The following GPHN variants were observed in gnomAD, a reference collection of about 807,000 sequenced individuals.
GPHN encodes the protein gephyrin.
In GPHN, 17 loss-of-function variants were observed where a neutral mutation model predicts 95.5. The ratio of observed to expected loss-of-function variants is 0.18; its 90% CI spans 0.12 to 0.27. GPHN has a LOEUF of 0.27. Among genes scored for constraint, GPHN ranks in the 10% least tolerant of loss-of-function variants. GPHN has a pLI of 1.00. For synonymous variants in GPHN, 320 were observed against 322.5 expected (o/e 0.99, Z 0.08); for missense variants, 660 against 978.1 (o/e 0.67, Z 4.34).
At chr14:67,726,691 C>A in the GPHN span, among the ~76,000 whole-genome samples, 1 of 152,278 alleles carries the variant, frequency 6.6e-6, no homozygotes, top group South Asian at 2.1e-4. Context: ...ACCTGGGTCC[C>A]TAGTTATGCG....
chr14:67,183,172 G>A (rs571824943), downstream of GPHN, among the ~76,000 whole-genome samples: 24 of 152,210 alleles, frequency 1.6e-4, no homozygotes, highest in African/African-American at 4.1e-4. Context: ...TAGGGGTGTC[G>A]TGGAAATTAA....
intron 9 of GPHN, among the ~76,000 whole-genome samples, chr14:66,991,137 T>C (rs147718624): frequency 6.6e-6 from 1 of 152,240 alleles, no homozygotes; most frequent in African/African-American, 2.4e-5. Context: ...AAATGGGATG[T>C]ATTAGATTAT....
At chr14:66,622,940 G>A (rs763900142) in intron 1 of GPHN, among the ~76,000 whole-genome samples, 4 of 152,054 alleles carry the variant, frequency 2.6e-5, no homozygotes, top group Non-Finnish European at 5.9e-5. Context: ...TTCCAAACTC[G>A]CTTCCACATT....
intron 5 of GPHN, among the ~76,000 whole-genome samples, chr14:66,882,932 A>G (rs1001535089): frequency 4.0e-5 from 6 of 151,486 alleles, no homozygotes; most frequent in Non-Finnish European, 8.9e-5. Context: ...TGAGCAATCA[A>G]TTCAAATTGC....
the GPHN span, among the ~76,000 whole-genome samples, chr14:67,267,417 C>T: frequency 2.6e-5 from 4 of 151,936 alleles, no homozygotes; most frequent in Non-Finnish European, 5.9e-5. Context: ...CACCACCACA[C>T]CTGGCTAATT....
chr14:66,904,271 T>C (rs1224315835), intron 5 of GPHN, among the ~76,000 whole-genome samples: 6 of 152,092 alleles, frequency 3.9e-5, no homozygotes, highest in Admixed American at 3.9e-4. Flanking sequence ...ATCAAGCAGG[T>C]TGCCCCTGCT....
intron 18 of GPHN, among the ~76,000 whole-genome samples, chr14:67,144,242 AAAAAAAAAATATAT>A (rs2080696605): frequency 4.4e-5 from 3 of 68,078 alleles, no homozygotes; most frequent in Admixed American, 2.2e-4. Flanking sequence ...GTCTTAAAAA[AAAAAAAAAATATAT>A]ATATATATAT....
At chr14:67,025,784 T>C (rs1197320407) in intron 10 of GPHN, among the ~76,000 whole-genome samples, 1 of 152,202 alleles carries the variant, frequency 6.6e-6, no homozygotes, top group African/African-American at 2.4e-5. Context: ...GCAATGAGTT[T>C]GCAACTTTTC....
chr14:67,234,109 T>G, the GPHN span, among the ~76,000 whole-genome samples: 2 of 152,216 alleles, frequency 1.3e-5, no homozygotes. Context: ...TCACAAGCAC[T>G]GTAGGAGGTA....
chr14:67,340,593 AAC>A, the GPHN span: 25 of 1,234,750 alleles, frequency 2.0e-5, no homozygotes, highest in African/African-American at 4.5e-5. Context: ...TCATTTGTAT[AAC>A]AGTTATTTTT....
intron 4 of GPHN, among the ~76,000 whole-genome samples, chr14:66,838,240 A>G (rs2061936414): frequency 6.6e-6 from 1 of 152,188 alleles, no homozygotes; most frequent in Non-Finnish European, 1.5e-5. Flanking sequence ...TGTAAATAAT[A>G]TAAGCAAGGC....
At chr14:66,940,240 AAAG>A (rs1306377480) in intron 8 of GPHN, among the ~76,000 whole-genome samples, 2 of 151,830 alleles carry the variant, frequency 1.3e-5, no homozygotes, top group Admixed American at 6.6e-5. Context: ...GAAAAAAAAA[AAAG>A]AAGGCGTTTT....
chr14:67,561,869 C>CAAAA, the GPHN span: 10 of 756,898 alleles, frequency 1.3e-5, no homozygotes, highest in Admixed American at 9.6e-5. Context: ...GACCCTGTCT[C>CAAAA]AAAAAAAAAA....
the GPHN span, among the ~76,000 whole-genome samples, chr14:67,314,216 C>T: frequency 6.6e-6 from 1 of 151,658 alleles, no homozygotes; most frequent in Admixed American, 6.6e-5. Context: ...AAAAAAAAGA[C>T]TGAGAAATAT....
chr14:67,033,318 C>A (rs555365376), intron 10 of GPHN, among the ~76,000 whole-genome samples: 1 of 152,110 alleles, frequency 6.6e-6, no homozygotes, highest in Admixed American at 6.5e-5. Flanking sequence ...AATCCCAACA[C>A]TTTGGGAGGC....
the GPHN span, among the ~76,000 whole-genome samples, chr14:67,268,890 G>A: frequency 1.2e-4 from 18 of 152,114 alleles, no homozygotes; most frequent in Non-Finnish European, 1.9e-4. Context: ...AGTTGTTCTG[G>A]TTCAAACCCC....
At chr14:66,759,835 A>G (rs1468848060) in intron 2 of GPHN, among the ~76,000 whole-genome samples, 8 of 152,226 alleles carry the variant, frequency 5.3e-5, no homozygotes, top group Admixed American at 1.3e-4. Flanking sequence ...CACTGTATAC[A>G]TAAGTGAAAT....
intron 10 of GPHN, among the ~76,000 whole-genome samples, chr14:67,025,060 A>G (rs761043162): frequency 3.3e-5 from 5 of 152,142 alleles, no homozygotes; most frequent in African/African-American, 9.6e-5. Context: ...AGTGTTTCCA[A>G]TTGTTACAGT....
At chr14:67,328,886 T>G in the GPHN span, among the ~76,000 whole-genome samples, 1 of 152,204 alleles carries the variant, frequency 6.6e-6, no homozygotes, top group African/African-American at 2.4e-5. Context: ...TGTAGCCTTG[T>G]AGTATAGTTT....
Sources: gnomAD v4.1 joint callset for allele counts (sites outside exome capture counted in the v4.1 genomes callset) on GRCh38, gnomAD v4.1.1 for gene constraint, MANE v1.5 for transcripts, NCBI Gene and HGNC (gene_info 2026-07-23, HGNC 2026-07-21) for gene names.